Variants in TRPS1 observed in about 807,000 individuals in gnomAD.
TRPS1 encodes transcriptional repressor GATA binding 1.
TRPS1 carries 6 observed loss-of-function variants against 101.2 expected under a neutral mutation model. That is an observed-to-expected ratio of 0.06 (90% CI 0.03 to 0.12). TRPS1 has a LOEUF of 0.12. Among genes scored for constraint, TRPS1 ranks in the 10% least tolerant of loss-of-function variants. The pLI, the probability that TRPS1 is intolerant of heterozygous loss-of-function variation, is 1.00. For missense variants in TRPS1, 1,363 were observed against 1,567.0 expected, an observed-to-expected ratio of 0.87 and a Z score of 2.20; for synonymous variants, 578 against 589.8, an observed-to-expected ratio of 0.98 and a Z score of 0.29.
intron 5 of TRPS1, among the ~76,000 whole-genome samples, chr8:115,521,173 G>C (rs1815851860): frequency 6.6e-6 from 1 of 151,586 alleles, no homozygotes; most frequent in Non-Finnish European, 1.5e-5. Context: ...CTGGTTCCTA[G>C]CCTACTTGTT....
chr8:115,494,013 A>C (rs557583526), intron 5 of TRPS1, among the ~76,000 whole-genome samples: 2 of 152,298 alleles, frequency 1.3e-5, no homozygotes, highest in African/African-American at 4.8e-5. Context: ...ATATTCGATC[A>C]TTTCATTAAC....
At chr8:115,484,081 T>A (rs1586320151) in intron 5 of TRPS1, among the ~76,000 whole-genome samples, 1 of 152,152 alleles carries the variant, frequency 6.6e-6, no homozygotes, top group Non-Finnish European at 1.5e-5. Flanking sequence ...TGTTACAGAA[T>A]GGGATGAGGT....
intron 5 of TRPS1, among the ~76,000 whole-genome samples, chr8:115,436,449 C>T (rs1813456480): frequency 6.6e-6 from 1 of 152,174 alleles, no homozygotes; most frequent in African/African-American, 2.4e-5. Flanking sequence ...TCTTGTTGGG[C>T]AAACTTGGGT....
intron 1 of TRPS1, among the ~76,000 whole-genome samples, chr8:115,651,809 C>G (rs1320615898): frequency 2.0e-5 from 3 of 152,052 alleles, no homozygotes. Flanking sequence ...AGAATATGAA[C>G]AAAAGTCGGT....
chr8:115,653,830 A>AG (rs1420009183), intron 1 of TRPS1, among the ~76,000 whole-genome samples: 1 of 152,204 alleles, frequency 6.6e-6, no homozygotes, highest in Non-Finnish European at 1.5e-5. Flanking sequence ...AGCGGTTTCC[A>AG]GGGCCTGACA....
intron 1 of TRPS1, among the ~76,000 whole-genome samples, chr8:115,644,318 G>A (rs1467577369): frequency 6.6e-6 from 1 of 152,186 alleles, no homozygotes; most frequent in Non-Finnish European, 1.5e-5. Context: ...ATAATGTGCT[G>A]CAGCTTCTTC....
intron 5 of TRPS1, among the ~76,000 whole-genome samples, chr8:115,423,585 A>G (rs1256239036): frequency 1.3e-5 from 2 of 152,320 alleles, no homozygotes; most frequent in African/African-American, 2.4e-5. Context: ...GAGTAAACCA[A>G]TAAGTATAAT....
chr8:115,470,888 T>G (rs1380131039), intron 5 of TRPS1, among the ~76,000 whole-genome samples: 2 of 152,220 alleles, frequency 1.3e-5, no homozygotes, highest in East Asian at 3.8e-4. Flanking sequence ...TTTCTTTAGA[T>G]GGAGTTGATA....
intron 5 of TRPS1, among the ~76,000 whole-genome samples, chr8:115,477,107 A>C (rs182153600): frequency 6.6e-6 from 1 of 152,338 alleles, no homozygotes; most frequent in East Asian, 1.9e-4. Context: ...GAATAAAAAA[A>C]TTTGAAACAT....
At chr8:115,608,437 T>C (rs1818088140) in intron 3 of TRPS1, among the ~76,000 whole-genome samples, 1 of 152,238 alleles carries the variant, frequency 6.6e-6, no homozygotes, top group African/African-American at 2.4e-5. Flanking sequence ...GCCTTCAAGA[T>C]ACTTACATTG....
chr8:115,579,500 G>T (rs755513512), intron 5 of TRPS1, among the ~76,000 whole-genome samples: 1 of 152,008 alleles, frequency 6.6e-6, no homozygotes, highest in Non-Finnish European at 1.5e-5. Flanking sequence ...AAATCATGTT[G>T]TCAGGGATCT....
intron 5 of TRPS1, among the ~76,000 whole-genome samples, chr8:115,430,270 T>C (rs1025935468): frequency 6.6e-6 from 1 of 152,194 alleles, no homozygotes; most frequent in African/African-American, 2.4e-5. Context: ...GACAGACTGC[T>C]GGATTCCAAT....
At chr8:115,465,145 T>C (rs1281800437) in intron 5 of TRPS1, among the ~76,000 whole-genome samples, 1 of 152,054 alleles carries the variant, frequency 6.6e-6, no homozygotes, top group Non-Finnish European at 1.5e-5. Flanking sequence ...TTTAAATACT[T>C]AACCACCAAA....
chr8:115,625,006 C>T (rs1212126994), intron 1 of TRPS1, among the ~76,000 whole-genome samples: 2 of 151,600 alleles, frequency 1.3e-5, no homozygotes, highest in Admixed American at 1.3e-4. Flanking sequence ...TCCAACTAAC[C>T]TTGCAATAGA....
At chr8:115,538,598 A>AAT (rs1307315666) in intron 5 of TRPS1, among the ~76,000 whole-genome samples, 2 of 151,900 alleles carry the variant, frequency 1.3e-5, no homozygotes, top group Non-Finnish European at 2.9e-5. Context: ...AGAAAATAAA[A>AAT]AAAAAAAATG....
At chr8:115,477,194 GTAATA>G (rs947583665) in intron 5 of TRPS1, among the ~76,000 whole-genome samples, 8 of 152,250 alleles carry the variant, frequency 5.3e-5, no homozygotes, top group East Asian at 3.9e-4. Flanking sequence ...TAGAAAAAAA[GTAATA>G]TAATATGAGA....
At chr8:115,653,236 A>G (rs1157016553) in intron 1 of TRPS1, among the ~76,000 whole-genome samples, 3 of 152,234 alleles carry the variant, frequency 2.0e-5, no homozygotes, top group Non-Finnish European at 4.4e-5. Context: ...AAGGCTCATA[A>G]GCACTGATAG....
intron 5 of TRPS1, among the ~76,000 whole-genome samples, chr8:115,453,096 A>C (rs542313401): frequency 1.3e-5 from 2 of 151,448 alleles, no homozygotes; most frequent in South Asian, 4.2e-4. Context: ...ATCTCGGCTC[A>C]CTGCAACCTC....
intron 5 of TRPS1, among the ~76,000 whole-genome samples, chr8:115,463,084 C>T (rs1814227915): frequency 6.6e-6 from 1 of 152,152 alleles, no homozygotes; most frequent in South Asian, 2.1e-4. Context: ...TATAACAAAA[C>T]TTTGTGAGAG....
Sources: gnomAD v4.1 joint callset for allele counts (sites outside exome capture counted in the v4.1 genomes callset) on GRCh38, gnomAD v4.1.1 for gene constraint, MANE v1.5 for transcripts, NCBI Gene and HGNC (gene_info 2026-07-23, HGNC 2026-07-21) for gene names.